The following CPEB3 variants were observed in gnomAD, a reference collection of about 807,000 sequenced individuals.
The protein encoded by CPEB3 is cytoplasmic polyadenylation element-binding protein 3.
CPEB3 carries 20 observed loss-of-function variants against 67.2 expected under a neutral mutation model. The ratio of observed to expected loss-of-function variants is 0.30; its 90% CI spans 0.21 to 0.43. The LOEUF (loss-of-function observed/expected upper bound fraction) is 0.43, where lower values mean the gene tolerates loss of function less well. CPEB3 is among the 20% of genes least tolerant of loss of function. CPEB3 has a pLI of 1.00. For missense variants in CPEB3, 746 were observed against 968.6 expected (o/e 0.77, Z 3.05); for synonymous variants, 376 against 393.1 (o/e 0.96, Z 0.51).
At position 92,051,844 on chromosome 10, in the gene CPEB3, GAACAACACCAC is replaced by G. The variant is rs1841903362; in HGVS notation, c.*357_*367del. The stretch of plus-strand genomic sequence containing the variant: ...TGCATGCTCCAGTTCAAAACAATCA[GAACAACACCAC>G]AACAACAAACAAAAGAATCACAGAC... On this transcript the variant is annotated 3_prime_UTR_variant, in exon 10 of 10. Transcript: ENST00000265997. 1.1e-5 allele frequency: 2 copies of G among 181,294 alleles called. No homozygotes were observed. Among genetic ancestry groups the G allele is most frequent in the Admixed American group, 1.1e-4 (2 of 17,974 alleles). The allele number at this position is 181,294 out of a possible 1,614,324, so 11.2% of individuals were successfully genotyped here. A position where few individuals can be genotyped will look rare whatever the true frequency, so the allele number is the denominator to read the frequency against.
At chr10:92,071,070 TACACACACACACACAC>T (rs58497259) in intron 9 of CPEB3, among the ~76,000 whole-genome samples, 2,401 of 147,708 alleles carry the variant, frequency 0.016, 64 homozygotes, top group African/African-American at 0.057. Context: ...CACTTTCATT[TACACACACACACACAC>T]ACACACACAC....
chr10:92,235,561 C>A (rs1741599072), intron 2 of CPEB3, among the ~76,000 whole-genome samples: 1 of 152,232 alleles, frequency 6.6e-6, no homozygotes, highest in African/African-American at 2.4e-5. Flanking sequence ...ATGGGCCAGG[C>A]ACTGTGCTAC....
chr10:92,285,434 T>C (rs191793381), intron 1 of CPEB3, among the ~76,000 whole-genome samples: 38 of 151,986 alleles, frequency 2.5e-4, no homozygotes, highest in South Asian at 6.2e-4. Flanking sequence ...CCATGCCTGG[T>C]TAATGTTTGT....
intron 1 of CPEB3, among the ~76,000 whole-genome samples, chr10:92,254,180 G>A (rs915114468): frequency 1.3e-5 from 2 of 151,908 alleles, no homozygotes; most frequent in Admixed American, 1.3e-4. Flanking sequence ...AGTGAGCCAT[G>A]ATTGTGTCAA....
In CPEB3 at chr10:92,052,143, T is replaced by G; in HGVS notation, c.*69A>C. 1.9e-6 allele frequency: 2 copies of G among 1,039,498 alleles called. No individual in the cohort carries two copies. The highest frequency in any genetic ancestry group is 3.0e-6 in the Non-Finnish European group (2 of 673,282). 64.4% of individuals were successfully genotyped at this position (1,039,498 alleles called of 1,614,324 possible). On this transcript the variant is annotated 3_prime_UTR_variant, in exon 10 of 10. Transcript: ENST00000265997. ...CAGATTTCCAGAACACTGTAAGCCC[T>G]GAGGCAGTGCCCTCTCTTTTCCCTC...
intron 2 of CPEB3, chr10:92,216,607 C>A: frequency 6.2e-7 from 1 of 1,610,136 alleles, no homozygotes; most frequent in Non-Finnish European, 8.5e-7. Flanking sequence ...AGGTATACTG[C>A]CATCTCCCAG....
intron 2 of CPEB3, among the ~76,000 whole-genome samples, chr10:92,203,220 C>T (rs574652237): frequency 5.3e-5 from 8 of 151,404 alleles, no homozygotes; most frequent in East Asian, 1.9e-4. Context: ...ACATTACAGG[C>T]GTGAGCCACC....
chr10:92,150,144 C>T (rs969403146), intron 4 of CPEB3, among the ~76,000 whole-genome samples: 2 of 152,116 alleles, frequency 1.3e-5, no homozygotes, highest in South Asian at 2.1e-4. Context: ...GACCGACAGG[C>T]GATATGAGGA....
At chr10:92,211,406 T>C (rs1252154458) in intron 2 of CPEB3, among the ~76,000 whole-genome samples, 1 of 152,004 alleles carries the variant, frequency 6.6e-6, no homozygotes. Flanking sequence ...AAGTGAGAAA[T>C]GAAACAGAAA....
At chr10:92,283,722 C>CTTTTTTTTT (rs869248048) in intron 1 of CPEB3, among the ~76,000 whole-genome samples, 21 of 108,950 alleles carry the variant, frequency 1.9e-4, no homozygotes, top group Non-Finnish European at 2.9e-4. Context: ...CTTTTTCTTT[C>CTTTTTTTTT]TTTTTTTTTT....
At chr10:92,079,307 T>G (rs1421842400) in intron 9 of CPEB3, among the ~76,000 whole-genome samples, 1 of 152,080 alleles carries the variant, frequency 6.6e-6, no homozygotes, top group Non-Finnish European at 1.5e-5. Flanking sequence ...AATCGAGCAA[T>G]GGGTAAATAC....
At chr10:92,257,998 G>A (rs1478135476) in intron 1 of CPEB3, among the ~76,000 whole-genome samples, 4 of 151,976 alleles carry the variant, frequency 2.6e-5, no homozygotes, top group Non-Finnish European at 5.9e-5. Flanking sequence ...CCAAAGTGCT[G>A]GGATTACAAG....
chr10:92,198,290 TA>T, intron 2 of CPEB3, among the ~76,000 whole-genome samples: 1 of 152,158 alleles, frequency 6.6e-6, no homozygotes, highest in Admixed American at 6.5e-5. Context: ...ACATCCTTTT[TA>T]CAAACACTCC....
At position 92,090,939 on chromosome 10, in the gene CPEB3, A is replaced by G. The variant is rs74149371; in HGVS notation, c.1687+891T>C. Reference sequence around the variant, plus strand: ...TATGTTTAAAAGTTCTTCAAAATGAAATTATGAGTGTCTTTATATAGGTCT... The same window carrying G: ...TATGTTTAAAAGTTCTTCAAAATGAGATTATGAGTGTCTTTATATAGGTCT... On this transcript the variant is annotated intron_variant, in intron 8 of 9. Transcript: ENST00000265997. Among the ~76,000 whole-genome samples the G allele has an allele frequency of 2.1e-3, 319 of 152,380 alleles. 1 individual carries two copies. Among genetic ancestry groups the G allele is most frequent in the African/African-American group, 7.2e-3 (301 of 41,596 alleles).
intron 1 of CPEB3, among the ~76,000 whole-genome samples, chr10:92,288,247 C>T (rs1190842026): frequency 6.6e-6 from 1 of 151,992 alleles, no homozygotes; most frequent in Non-Finnish European, 1.5e-5. Flanking sequence ...ATCATTTGTG[C>T]TCATGAGTTC....
chr10:92,148,167 T>G (rs1403431125), intron 4 of CPEB3, among the ~76,000 whole-genome samples: 1 of 152,174 alleles, frequency 6.6e-6, no homozygotes, highest in Non-Finnish European at 1.5e-5. Context: ...CCCATTACTT[T>G]TTGGATAAAG....
chr10:92,074,121 T>C (rs1185103953), intron 9 of CPEB3, among the ~76,000 whole-genome samples: 1 of 151,872 alleles, frequency 6.6e-6, no homozygotes, highest in Non-Finnish European at 1.5e-5. Flanking sequence ...AAAATGGTTT[T>C]TTTTTAAGAG....
chr10:92,240,304 G>A lies in CPEB3; in HGVS notation c.47C>T (p.Pro16Leu). Reference sequence around the variant, plus strand: ...CTGCTGCTGCCGCTGCTGCTGCTGGGGCTGGGGCTGGGTTTTGCTTTTGTC... The same window carrying A: ...CTGCTGCTGCCGCTGCTGCTGCTGGAGCTGGGGCTGGGTTTTGCTTTTGTC... ...LMDKSKTQPQ[P>L]QQQQRQQQQP... Residue 16 changes from proline to leucine, a missense_variant, in exon 2 of 10, where the codon CCC becomes CTC. By Grantham distance (98) the Pro-to-Leu change is moderately conservative (BLOSUM62 -3). Around this residue, in one of 2 missense-constraint regions of CPEB3, gnomAD observed 643 missense variants for 717.5 expected, o/e 0.90. Coordinates refer to ENST00000265997, the MANE Select transcript of CPEB3 (RefSeq NM_014912.5). The A allele has an allele frequency of 1.3e-6, 2 of 1,510,192 alleles. No homozygotes were observed. Among genetic ancestry groups the A allele is most frequent in the South Asian group, 2.6e-5 (2 of 77,140 alleles). The allele number at this position is 1,510,192 out of a possible 1,614,324, so 93.5% of individuals were successfully genotyped here.
chr10:92,077,020 A>T (rs1397357645), intron 9 of CPEB3, among the ~76,000 whole-genome samples: 2 of 152,152 alleles, frequency 1.3e-5, no homozygotes, highest in East Asian at 3.9e-4. Context: ...AAGTTTCAGA[A>T]CCTTTCTATG....
Sources: allele counts gnomAD v4.1 joint callset (sites outside exome capture counted in the v4.1 genomes callset), GRCh38; gene constraint gnomAD v4.1.1; regional missense constraint gnomAD v4.1.1; transcripts MANE v1.5; gene names NCBI Gene and HGNC (gene_info 2026-07-23, HGNC 2026-07-21).